The following SCUBE1 variants were observed in gnomAD, a reference collection of about 807,000 sequenced individuals.
SCUBE1 encodes the protein signal peptide, CUB and EGF-like domain-containing protein 1.
A neutral mutation model predicts 124.4 loss-of-function variants in SCUBE1; 59 were observed. That is an observed-to-expected ratio of 0.47 (90% CI 0.38 to 0.59). The LOEUF (loss-of-function observed/expected upper bound fraction) is 0.59. SCUBE1 is among the 20% of genes least tolerant of loss of function. The probability of loss-of-function intolerance (pLI) is 0.00; values close to 1 mark genes in which losing one functional copy is unlikely to be tolerated. For missense variants in SCUBE1, 1,150 were observed against 1,371.2 expected, an observed-to-expected ratio of 0.84 and a Z score of 2.55; for synonymous variants, 545 against 550.9, an observed-to-expected ratio of 0.99 and a Z score of 0.15.
intron 3 of SCUBE1, among the ~76,000 whole-genome samples, chr22:43,317,914 C>A (rs760362760): frequency 3.3e-5 from 5 of 152,184 alleles, no homozygotes; most frequent in African/African-American, 9.7e-5. Context: ...GACACAGAGC[C>A]AGACACACAT....
chr22:43,274,231 G>T (rs1360125604), intron 4 of SCUBE1, among the ~76,000 whole-genome samples: 1 of 152,126 alleles, frequency 6.6e-6, no homozygotes, highest in Non-Finnish European at 1.5e-5. Flanking sequence ...AGGTTGCCAG[G>T]TTTAGCAAAT....
intron 6 of SCUBE1, among the ~76,000 whole-genome samples, chr22:43,241,289 CA>C (rs1469971586): frequency 6.6e-6 from 1 of 152,104 alleles, no homozygotes; most frequent in Non-Finnish European, 1.5e-5. Context: ...ACCCGCTCCA[CA>C]GCAGGGGTCA....
At chr22:43,333,984 G>A (rs2146799083) in intron 2 of SCUBE1, among the ~76,000 whole-genome samples, 1 of 152,336 alleles carries the variant, frequency 6.6e-6, no homozygotes, top group East Asian at 1.9e-4. Flanking sequence ...CTCGGGGCAT[G>A]CTCTGCTGAG....
rs1922366693 is a variant in SCUBE1 at position 43,227,443 on chromosome 22, T to G, written c.1138A>C (p.Thr380Pro). The G allele has an allele frequency of 6.2e-7, 1 of 1,612,986 alleles. No individual in the cohort carries two copies. The highest frequency in any genetic ancestry group is 8.5e-7 in the Non-Finnish European group (1 of 1,179,890). ...NGSCDQGCVN[T>P]KGSYECVCPP... The stretch of plus-strand genomic sequence containing the variant: ...CAGACGCACTCGTAGCTGCCCTTGG[T>G]GTTGACGCAGCCCTGGTCACAGCTC... Residue 380 changes from threonine to proline, a missense_variant, in exon 10 of 22, where the codon ACC becomes CCC. By Grantham distance (38) the Thr-to-Pro change is conservative. Coordinates refer to ENST00000360835, the MANE Select transcript of SCUBE1 (RefSeq NM_173050.5).
intron 20 of SCUBE1, 70 bp downstream of exon 20, chr22:43,208,002 G>GAC: frequency 6.4e-7 from 1 of 1,554,494 alleles, no homozygotes; most frequent in East Asian, 2.3e-5. Context: ...GGGGACGTGC[G>GAC]ACTCATCTCT....
At chr22:43,319,016 C>T (rs1926447511) in intron 3 of SCUBE1, among the ~76,000 whole-genome samples, 1 of 152,122 alleles carries the variant, frequency 6.6e-6, no homozygotes, top group Non-Finnish European at 1.5e-5. Flanking sequence ...GCCACCACAC[C>T]CGACCTCTTA....
At chr22:43,207,636 G>A (rs999171941) in intron 20 of SCUBE1, 23 bp from the exon 21 acceptor site, 8 of 1,601,514 alleles carry the variant, frequency 5.0e-6, no homozygotes, top group Middle Eastern at 1.7e-4. Flanking sequence ...TCAGCAGGGG[G>A]AGAGGAAGGC....
chr22:43,336,419 G>A (rs1292838060), intron 2 of SCUBE1, among the ~76,000 whole-genome samples: 2 of 152,154 alleles, frequency 1.3e-5, no homozygotes, highest in East Asian at 1.9e-4. Context: ...AGTCCTGTCC[G>A]GGCAAAGGAG....
Position 43,218,404 on chromosome 22 carries a change from G to A in SCUBE1, c.1742C>T (p.Ala581Val). The A allele has an allele frequency of 6.2e-7, 1 of 1,613,336 alleles. No homozygotes were observed. The highest frequency in any genetic ancestry group is 1.1e-5 in the South Asian group (1 of 91,086). Residue 581 changes from alanine (A) to valine (V), a missense_variant, in exon 15 of 22, where the codon GCC (alanine) becomes GTC (valine). Coordinates refer to ENST00000360835, the MANE Select transcript of SCUBE1 (RefSeq NM_173050.5). ...GATGGACTTGCGCAGGGTCTTGATG[G>A]CGGCCTGCAGGCTCTGTTCTGCTCG... is the stretch of plus-strand genomic sequence containing the variant. Reference protein sequence around the residue: ...RKRAEQSLQAAIKTLRKSIGR... With the variant: ...RKRAEQSLQAVIKTLRKSIGR...
intron 2 of SCUBE1, among the ~76,000 whole-genome samples, chr22:43,335,228 G>T (rs918067089): frequency 3.3e-5 from 5 of 152,214 alleles, no homozygotes; most frequent in Admixed American, 2.0e-4. Flanking sequence ...GCCCCCAGTT[G>T]TCTCTCCATA....
In SCUBE1 at chr22:43,219,490, T is replaced by G. The variant is rs540424674; in HGVS notation, c.1687+960A>C. ...AGACTAAAACATTTCCTTTTTTTTTTTTTGAGATAGAGTCTCACTCGTCGC... is the reference window on the plus strand; with the variant it reads ...AGACTAAAACATTTCCTTTTTTTTTGTTTGAGATAGAGTCTCACTCGTCGC... On this transcript the variant is annotated intron_variant, in intron 14 of 21. Coordinates refer to ENST00000360835, the MANE Select transcript of SCUBE1 (RefSeq NM_173050.5). 3.7e-3 allele frequency among the ~76,000 whole-genome samples: 522 copies of G among 142,266 alleles called. 1 individual carries two copies. Among genetic ancestry groups the G allele is most frequent in the Non-Finnish European group, 6.0e-3 (389 of 64,722 alleles). 93.3% of individuals were successfully genotyped at this position (142,266 alleles called of 152,430 possible).
chr22:43,208,538 G>T (rs1569494930), intron 19 of SCUBE1, among the ~76,000 whole-genome samples: 1 of 152,102 alleles, frequency 6.6e-6, no homozygotes, highest in Non-Finnish European at 1.5e-5. Context: ...TCTGTCAGTG[G>T]GTCTCCATCT....
At position 43,343,187 on chromosome 22, in the gene SCUBE1, G is replaced by T; in HGVS notation, c.75C>A (p.Gly25=). ...TCGGGGGCTTACCTGGGAGCCCGCT[G>T]CCCCCGGCCAGCCGCCCGCGTGTGC... The part of the protein sequence containing the change: ...ALGTRGRLAG[G]SGLPGSVDVD... Residue 25 remains glycine, a synonymous_variant, in exon 1 of 22, where the codon GGC becomes GGA. Transcript: ENST00000360835. 1 of 1,186,892 alleles carries T rather than the reference G, an allele frequency of 8.4e-7. No individual in the cohort carries two copies. The highest frequency in any genetic ancestry group is 3.1e-5 in the South Asian group (1 of 32,578). The allele number at this position is 1,186,892 out of a possible 1,614,324, so 73.5% of individuals were successfully genotyped here.
At chr22:43,242,634 G>A (rs985042018) in intron 6 of SCUBE1, among the ~76,000 whole-genome samples, 2 of 152,226 alleles carry the variant, frequency 1.3e-5, no homozygotes, top group Non-Finnish European at 2.9e-5. Context: ...GGGCGGCTCA[G>A]GCGCCTGGGA....
At chr22:43,248,760 C>T (rs1047886220) in intron 6 of SCUBE1, among the ~76,000 whole-genome samples, 1 of 152,236 alleles carries the variant, frequency 6.6e-6, no homozygotes, top group Non-Finnish European at 1.5e-5. Context: ...CCTCCCTCAC[C>T]AGCACTCAGA....
At chr22:43,264,414 T>C (rs1002849595) in intron 4 of SCUBE1, among the ~76,000 whole-genome samples, 22 of 152,070 alleles carry the variant, frequency 1.4e-4, no homozygotes, top group Admixed American at 1.4e-3. Context: ...GAGGCCGGTG[T>C]CTCTCCTGCA....
intron 12 of SCUBE1, among the ~76,000 whole-genome samples, chr22:43,222,331 G>A (rs1601807532): frequency 6.6e-6 from 1 of 152,210 alleles, no homozygotes; most frequent in Non-Finnish European, 1.5e-5. Context: ...GATGTGGCTT[G>A]CTCCACCCAT....
chr22:43,210,295 G>A lies in SCUBE1; in HGVS notation c.2384-55C>T. 1 of 1,430,486 alleles carries A rather than the reference G, an allele frequency of 7.0e-7. No individual in the cohort carries two copies. The highest frequency in any genetic ancestry group is 9.2e-7 in the Non-Finnish European group (1 of 1,085,962). The allele number at this position is 1,430,486 out of a possible 1,614,324, so 88.6% of individuals were successfully genotyped here. On this transcript the variant is annotated intron_variant, in intron 18 of 21. Transcript: ENST00000360835. The surrounding 1 kb of genome is among the most constrained non-coding windows in gnomAD (Gnocchi z 4.5). ...CAGGCTCTGCTGGGCAGGGGCCCTG[G>A]CCGGCCAGGCCTCTAACCACCTGGG... is the stretch of plus-strand genomic sequence containing the variant.
At chr22:43,254,609 C>T (rs75369874) in intron 6 of SCUBE1, among the ~76,000 whole-genome samples, 1 of 152,174 alleles carries the variant, frequency 6.6e-6, no homozygotes, top group African/African-American at 2.4e-5. Context: ...AGAACCTTAG[C>T]CTCTTCCTCG....
Sources: allele counts gnomAD v4.1 joint callset (sites outside exome capture counted in the v4.1 genomes callset), GRCh38; gene constraint gnomAD v4.1.1; non-coding constraint Gnocchi (gnomAD v3.1); transcripts MANE v1.5; gene names NCBI Gene and HGNC (gene_info 2026-07-23, HGNC 2026-07-21).